PJA2: variants seen among roughly 807,000 people sequenced by gnomAD.
The protein encoded by PJA2 is praja ring finger ubiquitin ligase 2.
Under a neutral mutation model 69.3 loss-of-function variants are expected in PJA2, and 25 were observed. That is an observed-to-expected ratio of 0.36 (90% CI 0.26 to 0.50). PJA2 has a LOEUF of 0.50. Ranked by LOEUF, PJA2 falls within the 20% of genes least tolerant of loss-of-function variation. PJA2 has a pLI of 0.96. For synonymous variants in PJA2, 308 were observed against 277.8 expected (o/e 1.11, Z -1.08); for missense variants, 809 against 830.2 (o/e 0.97, Z 0.31).
chr5:109,389,129 C>T (rs1482002001), intron 1 of PJA2, among the ~76,000 whole-genome samples: 3 of 152,096 alleles, frequency 2.0e-5, no homozygotes, highest in African/African-American at 7.2e-5. Context: ...ATGCTTTTGT[C>T]AGGTTTTCCT....
intron 9 of PJA2, among the ~76,000 whole-genome samples, chr5:109,343,923 C>CT (rs1445895459): frequency 1.3e-5 from 2 of 151,798 alleles, no homozygotes; most frequent in Non-Finnish European, 2.9e-5. Flanking sequence ...TGGCGAAACT[C>CT]TGTCTCTACT....
chr5:109,393,201 A>G (rs183939130), intron 1 of PJA2, among the ~76,000 whole-genome samples: 15 of 152,326 alleles, frequency 9.8e-5, no homozygotes, highest in African/African-American at 3.6e-4. Context: ...GCACTCCAGA[A>G]AAGGTTACCC....
In PJA2 at chr5:109,337,362, G is replaced by GAAA. The variant is rs759207479; in HGVS notation, c.2002-9_2002-7dup. 1.4e-6 allele frequency: 2 copies of GAAA among 1,431,944 alleles called. No individual in the cohort carries two copies. The highest frequency in any genetic ancestry group is 9.4e-7 in the Non-Finnish European group (1 of 1,064,558). 88.7% of individuals were successfully genotyped at this position (1,431,944 alleles called of 1,614,324 possible). A position where few individuals can be genotyped will look rare whatever the true frequency, so the allele number is the denominator to read the frequency against. ...CACACAGGGCATGTTCCCGACTGGA[G>GAAA]AAAAAAAAAATGTTAAGAGCCACCA... On this transcript the variant is annotated splice_region_variant and splice_polypyrimidine_tract_variant and intron_variant, in intron 9 of 9. Coordinates refer to ENST00000361189, the MANE Select transcript of PJA2 (RefSeq NM_014819.5).
chr5:109,359,100 G>A (rs987810089), intron 6 of PJA2, among the ~76,000 whole-genome samples: 4 of 152,100 alleles, frequency 2.6e-5, no homozygotes, highest in Non-Finnish European at 5.9e-5. Flanking sequence ...TACTCAATAT[G>A]AAGACAGCAA....
intron 6 of PJA2, among the ~76,000 whole-genome samples, chr5:109,358,266 C>T (rs1264548107): frequency 1.3e-5 from 2 of 152,218 alleles, no homozygotes; most frequent in Non-Finnish European, 2.9e-5. Context: ...AACAATAGCA[C>T]GTGCCTTAAG....
intron 1 of PJA2, among the ~76,000 whole-genome samples, chr5:109,384,138 G>A (rs1372654814): frequency 6.6e-6 from 1 of 152,142 alleles, no homozygotes; most frequent in Non-Finnish European, 1.5e-5. Flanking sequence ...ACTGACTCAG[G>A]TATGTAACCA....
intron 4 of PJA2, among the ~76,000 whole-genome samples, chr5:109,375,227 T>C (rs1746833822): frequency 1.3e-5 from 2 of 152,146 alleles, no homozygotes; most frequent in Non-Finnish European, 1.5e-5. Flanking sequence ...CTAAAAATGC[T>C]GGCCGGGTGC....
intron 5 of PJA2, among the ~76,000 whole-genome samples, chr5:109,366,321 C>G (rs1762585212): frequency 1.3e-5 from 2 of 152,274 alleles, no homozygotes; most frequent in African/African-American, 4.8e-5. Context: ...AAGAGCAAGT[C>G]TAAGGATGAA....
chr5:109,386,534 TAA>T (rs1747162308), intron 1 of PJA2, among the ~76,000 whole-genome samples: 1 of 152,234 alleles, frequency 6.6e-6, no homozygotes, highest in African/African-American at 2.4e-5. Flanking sequence ...CATCCTGATC[TAA>T]ATTTAGTCTA....
At chr5:109,337,788 C>CAG (rs1761973955) in intron 9 of PJA2, among the ~76,000 whole-genome samples, 1 of 151,840 alleles carries the variant, frequency 6.6e-6, no homozygotes, top group Non-Finnish European at 1.5e-5. Flanking sequence ...TACTTTAATT[C>CAG]ACACCAAATC....
At chr5:109,382,770 C>T (rs1447662365) in intron 2 of PJA2, among the ~76,000 whole-genome samples, 2 of 151,914 alleles carry the variant, frequency 1.3e-5, no homozygotes, top group South Asian at 4.1e-4. Context: ...ATCACTTGAA[C>T]CCAGGAGGCG....
intron 1 of PJA2, among the ~76,000 whole-genome samples, chr5:109,405,663 T>C (rs1372193646): frequency 6.6e-6 from 1 of 152,180 alleles, no homozygotes; most frequent in African/African-American, 2.4e-5. Context: ...CAACAAATGG[T>C]GCTAGAACTA....
At chr5:109,368,244 T>C (rs1433906476) in intron 5 of PJA2, among the ~76,000 whole-genome samples, 1 of 152,230 alleles carries the variant, frequency 6.6e-6, no homozygotes, top group African/African-American at 2.4e-5. Context: ...CTTGAGGCTG[T>C]CCTTTCTCCC....
chr5:109,364,326 T>G (rs904095967), intron 5 of PJA2, among the ~76,000 whole-genome samples: 20 of 152,116 alleles, frequency 1.3e-4, no homozygotes, highest in African/African-American at 4.3e-4. Flanking sequence ...GGAAATTTTA[T>G]AAAAATTTCA....
At position 109,354,509 on chromosome 5, in the gene PJA2, T is replaced by TATGATATCTAGAG. The variant is rs1561346522; in HGVS notation, c.1764+1405_1764+1406insCTCTAGATATCAT. Among the ~76,000 whole-genome samples the TATGATATCTAGAG allele has an allele frequency of 3.5e-4, 11 of 31,024 alleles. 2 individuals carry two copies. Among genetic ancestry groups the TATGATATCTAGAG allele is most frequent in the African/African-American group, 1.5e-3 (11 of 7,220 alleles). 20.4% of individuals were successfully genotyped at this position (31,024 alleles called of 152,430 possible). On this transcript the variant is annotated intron_variant, in intron 7 of 9. Transcript: ENST00000361189. ...AGATATCTATAATATCATAGATATC[T>TATGATATCTAGAG]ATATCGATATTAGATATCTATAATA...
Position 109,376,998 on chromosome 5 carries a change from T to C in PJA2, c.1283+1206A>G, listed in dbSNP as rs185800983. Among the ~76,000 whole-genome samples the C allele has an allele frequency of 1.6e-3, 250 of 152,248 alleles. 1 individual carries two copies. The highest frequency in any genetic ancestry group is 5.9e-3 in the African/African-American group (246 of 41,568). On this transcript the variant is annotated intron_variant, in intron 4 of 9. Coordinates refer to ENST00000361189, the MANE Select transcript of PJA2 (RefSeq NM_014819.5). ...CAATTTCTGTTTTTAGAAGTGTGGATACTGAATAAAACACTGTGGGCTTGA... is the reference window on the plus strand; with the variant it reads ...CAATTTCTGTTTTTAGAAGTGTGGACACTGAATAAAACACTGTGGGCTTGA...
At chr5:109,355,311 T>C (rs990716670) in intron 7 of PJA2, among the ~76,000 whole-genome samples, 1 of 152,218 alleles carries the variant, frequency 6.6e-6, no homozygotes, top group African/African-American at 2.4e-5. Flanking sequence ...CTTCTTTTAA[T>C]GAAATCCACT....
intron 9 of PJA2, among the ~76,000 whole-genome samples, chr5:109,340,873 C>T (rs1164635913): frequency 4.0e-5 from 4 of 99,734 alleles, no homozygotes; most frequent in African/African-American, 1.2e-4. Context: ...AGCCCCTAAC[C>T]GCGAGTGATC....
chr5:109,385,352 T>C (rs529157055), intron 1 of PJA2, among the ~76,000 whole-genome samples: 6 of 152,266 alleles, frequency 3.9e-5, no homozygotes, highest in Non-Finnish European at 7.4e-5. Context: ...TCTGGACATA[T>C]TGTAAAAATA....
Sources: gnomAD v4.1 joint callset for allele counts (sites outside exome capture counted in the v4.1 genomes callset) on GRCh38, gnomAD v4.1.1 for gene constraint, MANE v1.5 for transcripts, NCBI Gene and HGNC (gene_info 2026-07-23, HGNC 2026-07-21) for gene names.